Variants in NECAB1 observed in about 807,000 individuals in gnomAD.
NECAB1 encodes N-terminal EF-hand calcium binding protein 1.
In NECAB1, 29 loss-of-function variants were observed where a neutral mutation model predicts 57.5. That is an observed-to-expected ratio of 0.50 (90% CI 0.38 to 0.69). The LOEUF is 0.69. Ranked by LOEUF, NECAB1 falls within the 30% of genes least tolerant of loss-of-function variation. The probability of loss-of-function intolerance (pLI) is 0.00; values close to 1 mark genes in which losing one functional copy is unlikely to be tolerated. For synonymous variants in NECAB1, 142 were observed against 147.7 expected (o/e 0.96, Z 0.28); for missense variants, 372 against 413.8 (o/e 0.90, Z 0.88).
intron 2 of NECAB1, among the ~76,000 whole-genome samples, chr8:90,808,305 G>A (rs769527884): frequency 4.6e-5 from 7 of 152,152 alleles, no homozygotes; most frequent in Non-Finnish European, 8.8e-5. Context: ...ATCTGTGGTT[G>A]TCATCCCAGC....
intron 3 of NECAB1, among the ~76,000 whole-genome samples, chr8:90,847,184 T>A (rs1812583564): frequency 6.6e-6 from 1 of 152,226 alleles, no homozygotes; most frequent in Admixed American, 6.5e-5. Context: ...GTATACCCAT[T>A]TCAAATGGGA....
chr8:90,905,675 T>C (rs1430113401), intron 5 of NECAB1, among the ~76,000 whole-genome samples: 1 of 152,210 alleles, frequency 6.6e-6, no homozygotes, highest in Admixed American at 6.5e-5. Flanking sequence ...TACCTTTGTT[T>C]AATACTGCAA....
At chr8:90,831,807 T>A (rs544191542) in intron 3 of NECAB1, among the ~76,000 whole-genome samples, 5 of 152,278 alleles carry the variant, frequency 3.3e-5, no homozygotes, top group African/African-American at 1.2e-4. Context: ...CCTTAGCCTT[T>A]CTCTGTAATC....
intron 10 of NECAB1, among the ~76,000 whole-genome samples, chr8:90,942,482 G>T (rs1810695142): frequency 6.6e-6 from 1 of 152,156 alleles, no homozygotes; most frequent in South Asian, 2.1e-4. Context: ...GACTCAGAGG[G>T]CACAAATCAA....
chr8:90,835,071 C>G (rs1812350065), intron 3 of NECAB1, among the ~76,000 whole-genome samples: 1 of 151,426 alleles, frequency 6.6e-6, no homozygotes, highest in Non-Finnish European at 1.5e-5. Flanking sequence ...GTAACATGGA[C>G]TGCTCTTTAC....
In NECAB1 at chr8:90,824,830, G is replaced by C; in HGVS notation, c.233+5G>C. ...CATTGATACACATAATACTAAGTAA[G>C]AAACTTTTTTATCACTGGATTCCAC... On this transcript the variant is annotated splice_donor_5th_base_variant and intron_variant, in intron 3 of 12. Transcript: ENST00000417640. The C allele has an allele frequency of 6.9e-7, 1 of 1,456,390 alleles. No homozygotes were observed. The highest frequency in any genetic ancestry group is 9.3e-7 in the Non-Finnish European group (1 of 1,075,438). The allele number at this position is 1,456,390 out of a possible 1,614,324, so 90.2% of individuals were successfully genotyped here.
chr8:90,888,426 C>T (rs1053724654), intron 5 of NECAB1, among the ~76,000 whole-genome samples: 4 of 152,148 alleles, frequency 2.6e-5, no homozygotes, highest in East Asian at 1.9e-4. Context: ...GGATAAACAG[C>T]ACAGTATGTG....
intron 2 of NECAB1, among the ~76,000 whole-genome samples, chr8:90,815,928 C>T (rs1812054499): frequency 6.6e-6 from 1 of 151,898 alleles, no homozygotes; most frequent in Admixed American, 6.6e-5. Context: ...GTTGGATAAA[C>T]ACCTAGGAAT....
rs546865139 is a variant in NECAB1, at chr8:90,874,020, T to C, written c.259+1867T>C. Among the ~76,000 whole-genome samples the C allele has an allele frequency of 5.9e-5, 9 of 152,328 alleles. No homozygotes were observed. The South Asian group carries it at 1.9e-3, about 32-fold the overall frequency. ...GTTCTGTGTTTTTTAAATCCAGTGA[T>C]TGTATTCAGTCATGTGTTATAATCC... is the stretch of plus-strand genomic sequence containing the variant. On this transcript the variant is annotated intron_variant, in intron 4 of 12. Coordinates refer to ENST00000417640, the MANE Select transcript of NECAB1 (RefSeq NM_022351.5).
rs558919794 is a variant in NECAB1, at chr8:90,797,815, A to T, written c.100-3876A>T. Among the ~76,000 whole-genome samples, 28 of 152,338 alleles carry T rather than the reference A, an allele frequency of 1.8e-4. No individual in the cohort carries two copies. In the East Asian group the frequency reaches 5.2e-3, roughly 28 times the overall value. The stretch of plus-strand genomic sequence containing the variant: ...CTCCTGTAATGAAAAAGCAGAGATC[A>T]TCTCATCAAGATTACTTAATCAGAG... On this transcript the variant is annotated intron_variant, in intron 1 of 12. Coordinates refer to ENST00000417640, the MANE Select transcript of NECAB1 (RefSeq NM_022351.5).
Position 90,957,697 on chromosome 8 carries a change from GAAAAA to G in NECAB1, c.*2187_*2191del, listed in dbSNP as rs1299695606. The G allele has an allele frequency of 7.3e-6, 1 of 136,930 alleles. No homozygotes were observed. Among genetic ancestry groups the G allele is most frequent in the East Asian group, 2.1e-4 (1 of 4,690 alleles). 8.5% of individuals were successfully genotyped at this position (136,930 alleles called of 1,614,324 possible). A position where few individuals can be genotyped will look rare whatever the true frequency, so the allele number is the denominator to read the frequency against. On this transcript the variant is annotated 3_prime_UTR_variant, in exon 13 of 13. Coordinates refer to ENST00000417640, the MANE Select transcript of NECAB1 (RefSeq NM_022351.5). ...CCAAAAAAAAAAAGAAAAAGAAAAAGAAAAAAGAAAAAAAAAGAAAAAACTGGGAC... is the reference window on the plus strand; with the variant it reads ...CCAAAAAAAAAAAGAAAAAGAAAAAGAGAAAAAAAAAGAAAAAACTGGGAC...
intron 1 of NECAB1, among the ~76,000 whole-genome samples, chr8:90,792,996 A>G (rs1811600852): frequency 6.6e-6 from 1 of 152,126 alleles, no homozygotes. Flanking sequence ...CATGATAGAA[A>G]ATGTCAAAGG....
intron 5 of NECAB1, among the ~76,000 whole-genome samples, chr8:90,911,626 G>A (rs1417965384): frequency 2.0e-5 from 3 of 152,086 alleles, no homozygotes; most frequent in Admixed American, 1.3e-4. Flanking sequence ...GAATAAGCAA[G>A]GTAGCAGATA....
At chr8:90,819,293 A>AATCTG (rs1812106020) in intron 2 of NECAB1, among the ~76,000 whole-genome samples, 2 of 151,962 alleles carry the variant, frequency 1.3e-5, no homozygotes, top group South Asian at 4.1e-4. Context: ...GTCATATCTG[A>AATCTG]ATCTGGTTTT....
intron 7 of NECAB1, among the ~76,000 whole-genome samples, chr8:90,925,934 T>A (rs980290605): frequency 1.3e-5 from 2 of 152,126 alleles, no homozygotes; most frequent in Admixed American, 1.3e-4. Flanking sequence ...TCTAAAAGAC[T>A]TGACGTCTAT....
Position 90,805,696 on chromosome 8 carries a change from A to C in NECAB1, c.124+3981A>C, listed in dbSNP as rs556710240. Among the ~76,000 whole-genome samples, 6 of 152,086 alleles carry C rather than the reference A, an allele frequency of 3.9e-5. No individual in the cohort carries two copies. In the South Asian group the frequency reaches 1.2e-3, roughly 32 times the overall value. On this transcript the variant is annotated intron_variant, in intron 2 of 12. Coordinates refer to ENST00000417640, the MANE Select transcript of NECAB1 (RefSeq NM_022351.5). ...ATGGAAATGATACATGGGTATTTAT[A>C]CAATTTGCAAAAATATTTTTTAAAT...
chr8:90,881,169 T>G, intron 5 of NECAB1, 39 bp downstream of exon 5: 42 of 1,378,404 alleles, frequency 3.0e-5, no homozygotes, highest in Non-Finnish European at 3.6e-5. Context: ...TAAAAATCTC[T>G]TCTTTGAAAA....
intron 5 of NECAB1, among the ~76,000 whole-genome samples, chr8:90,888,791 A>G (rs1825410548): frequency 6.6e-6 from 1 of 152,240 alleles, no homozygotes; most frequent in Admixed American, 6.5e-5. Context: ...GCTCAGGGCC[A>G]CATGGTATTG....
At chr8:90,815,485 A>G (rs1432129096) in intron 2 of NECAB1, among the ~76,000 whole-genome samples, 1 of 151,992 alleles carries the variant, frequency 6.6e-6, no homozygotes, top group African/African-American at 2.4e-5. Flanking sequence ...TATATCTATC[A>G]TAGCATGTCA....
Sources: allele counts gnomAD v4.1 joint callset (sites outside exome capture counted in the v4.1 genomes callset), GRCh38; gene constraint gnomAD v4.1.1; transcripts MANE v1.5; gene names NCBI Gene and HGNC (gene_info 2026-07-23, HGNC 2026-07-21).